Variants in GPR158 observed in about 807,000 individuals in gnomAD.
GPR158 encodes G protein-coupled receptor 158, also known as metabotropic glycine receptor.
In GPR158, 30 loss-of-function variants were observed where a neutral mutation model predicts 78.2. The observed-to-expected ratio is 0.38, with a 90% confidence interval of 0.29 to 0.52. The LOEUF is 0.52. Ranked by LOEUF, GPR158 falls within the 20% of genes least tolerant of loss-of-function variation. The pLI is 0.83. For synonymous variants in GPR158, 581 were observed against 591.1 expected (o/e 0.98, Z 0.25); for missense variants, 1,463 against 1,523.5 (o/e 0.96, Z 0.66).
At chr10:25,486,863 A>T (rs965245406) in intron 5 of GPR158, among the ~76,000 whole-genome samples, 6 of 134,472 alleles carry the variant, frequency 4.5e-5, no homozygotes, top group Non-Finnish European at 8.9e-5. Flanking sequence ...AAAGTGAAAT[A>T]AAAAAAATAG....
chr10:25,537,894 T>A (rs1836521172), intron 5 of GPR158, among the ~76,000 whole-genome samples: 1 of 152,166 alleles, frequency 6.6e-6, no homozygotes, highest in Non-Finnish European at 1.5e-5. Context: ...GTAAGTTTCC[T>A]GAAGCCTCCC....
At chr10:25,569,475 G>A (rs986745033) in intron 6 of GPR158, among the ~76,000 whole-genome samples, 1 of 152,136 alleles carries the variant, frequency 6.6e-6, no homozygotes, top group African/African-American at 2.4e-5. Flanking sequence ...TTTAACCATG[G>A]AAAGAATATA....
intron 2 of GPR158, among the ~76,000 whole-genome samples, chr10:25,311,251 A>T (rs1854759911): frequency 6.6e-6 from 1 of 151,944 alleles, no homozygotes; most frequent in Non-Finnish European, 1.5e-5. Context: ...AAATTTATAA[A>T]TTGACTCAGG....
At chr10:25,236,715 T>C (rs1406484429) in intron 2 of GPR158, among the ~76,000 whole-genome samples, 1 of 151,960 alleles carries the variant, frequency 6.6e-6, no homozygotes, top group Non-Finnish European at 1.5e-5. Context: ...GGTGAGCCTT[T>C]AGCAGCCTAT....
At position 25,311,572 on chromosome 10, in the gene GPR158, T is replaced by C. The variant is rs1178783201; in HGVS notation, c.1009-84339T>C. On this transcript the variant is annotated intron_variant, in intron 2 of 10. Coordinates refer to ENST00000376351, the MANE Select transcript of GPR158 (RefSeq NM_020752.3). ...TTAATTTGCTTCATCACAGACGTTC[T>C]GTGATTTTTCAGAAATTGCGAATTG... Among the ~76,000 whole-genome samples the C allele has an allele frequency of 2.0e-5, 3 of 152,024 alleles. No homozygotes were observed. In the East Asian group the frequency reaches 5.8e-4, roughly 29 times the overall value.
intron 2 of GPR158, among the ~76,000 whole-genome samples, chr10:25,354,531 GTAT>G (rs1855520871): frequency 6.6e-6 from 1 of 151,966 alleles, no homozygotes; most frequent in South Asian, 2.1e-4. Context: ...GTTGCTGTAG[GTAT>G]TATTGTTTTT....
chr10:25,452,069 G>A (rs997514869), intron 4 of GPR158, among the ~76,000 whole-genome samples: 1 of 151,488 alleles, frequency 6.6e-6, no homozygotes, highest in African/African-American at 2.4e-5. Flanking sequence ...ACATGACCTT[G>A]CTCTGTCACC....
At position 25,225,183 on chromosome 10, in the gene GPR158, C is replaced by CTTTTTT. The variant is rs60603738; in HGVS notation, c.1008+4036_1008+4041dup. 6.8e-4 allele frequency among the ~76,000 whole-genome samples: 92 copies of CTTTTTT among 134,754 alleles called. 1 individual carries two copies. The highest frequency in any genetic ancestry group is 2.2e-3 in the African/African-American group (77 of 35,478). The allele number at this position is 134,754 out of a possible 152,430, so 88.4% of individuals were successfully genotyped here. A position where few individuals can be genotyped will look rare whatever the true frequency, so the allele number is the denominator to read the frequency against. On this transcript the variant is annotated intron_variant, in intron 2 of 10. Coordinates refer to ENST00000376351, the MANE Select transcript of GPR158 (RefSeq NM_020752.3). ...AGATCAGCAGATTTGGAACATTTGCCTTTTTTTTTTTTTTTGTATAAAGCA... is the reference window on the plus strand; with the variant it reads ...AGATCAGCAGATTTGGAACATTTGCCTTTTTTTTTTTTTTTTTTTTTGTATAAAGCA...
At position 25,466,658 on chromosome 10, in the gene GPR158, G is replaced by A. The variant is rs774310703; in HGVS notation, c.1343G>A (p.Arg448Gln). The A allele has an allele frequency of 6.2e-6, 10 of 1,601,044 alleles. No individual in the cohort carries two copies. The highest frequency in any genetic ancestry group is 3.3e-5 in the South Asian group (3 of 89,624). Residue 448 changes from arginine to glutamine, a missense_variant, in exon 5 of 11, where the codon CGG becomes CAG. Arg to Gln is a conservative substitution (Grantham distance 43, BLOSUM62 1). Coordinates refer to ENST00000376351, the MANE Select transcript of GPR158 (RefSeq NM_020752.3). ...TTTATTTTGTTTTTTCAGAGCATCC[G>A]GGCATCGGGCCTTATCCTGTTGGAA... ...VYHFRKAKSI[R>Q]ASGLILLETI...
rs10764530 is a variant in GPR158, at chr10:25,369,911, A to C, written c.1009-26000A>C. ...TTAGTCTTGGGAGAGTGTATGTGTC[A>C]AGGAATTTATCCATTTCTTCTAGCT... On this transcript the variant is annotated intron_variant, in intron 2 of 10. Transcript: ENST00000376351. Among the ~76,000 whole-genome samples, 21 of 150,792 alleles carry C rather than the reference A, an allele frequency of 1.4e-4. No homozygotes were observed. The South Asian group carries it at 1.9e-3, about 14-fold the overall frequency.
chr10:25,439,240 G>A (rs187778596), intron 4 of GPR158, among the ~76,000 whole-genome samples: 3 of 152,162 alleles, frequency 2.0e-5, no homozygotes, highest in Non-Finnish European at 4.4e-5. Context: ...TGAAAGCCAC[G>A]TCTCACATGG....
intron 2 of GPR158, among the ~76,000 whole-genome samples, chr10:25,311,576 A>AT (rs1032097507): frequency 3.3e-5 from 5 of 151,762 alleles, no homozygotes; most frequent in African/African-American, 9.7e-5. Flanking sequence ...ACGTTCTGTG[A>AT]TTTTTCAGAA....
At chr10:25,329,365 C>G (rs1374389813) in intron 2 of GPR158, among the ~76,000 whole-genome samples, 1 of 150,748 alleles carries the variant, frequency 6.6e-6, no homozygotes, top group East Asian at 2.0e-4. Context: ...GCACGAACCC[C>G]GGGGGCGGAG....
At chr10:25,296,134 A>G (rs999008126) in intron 2 of GPR158, among the ~76,000 whole-genome samples, 1 of 151,848 alleles carries the variant, frequency 6.6e-6, no homozygotes, top group Non-Finnish European at 1.5e-5. Context: ...ATACCCTGGA[A>G]CACAAATAAC....
chr10:25,572,879 CAG>C lies in GPR158; in HGVS notation c.1746_1747del (p.Ala583SerfsTer3). 6.3e-7 allele frequency: 1 copy of C among 1,580,158 alleles called. No homozygotes were observed. Among genetic ancestry groups the C allele is most frequent in the Non-Finnish European group, 8.7e-7 (1 of 1,149,016 alleles). On this transcript the variant is annotated frameshift_variant, in exon 7 of 11. Transcript: ENST00000376351. LOFTEE classifies it high-confidence loss of function. ...CTCATTGACCGCTGGGACTACATGA[CAG>C]CAGTTGGTATGTGGTCACTTGTTTC...
chr10:25,234,107 T>C (rs1853490958), intron 2 of GPR158, among the ~76,000 whole-genome samples: 1 of 152,150 alleles, frequency 6.6e-6, no homozygotes, highest in Non-Finnish European at 1.5e-5. Flanking sequence ...TTCAAGAGTG[T>C]AAAGGGGTCC....
At chr10:25,359,193 C>A (rs1420429603) in intron 2 of GPR158, among the ~76,000 whole-genome samples, 12 of 151,812 alleles carry the variant, frequency 7.9e-5, no homozygotes, top group Admixed American at 4.6e-4. Flanking sequence ...GATTGATTGA[C>A]CATTTTGTGA....
At chr10:25,224,394 G>T (rs952410066) in intron 2 of GPR158, among the ~76,000 whole-genome samples, 3 of 151,390 alleles carry the variant, frequency 2.0e-5, no homozygotes, top group Non-Finnish European at 2.9e-5. Flanking sequence ...AATTTAGAGT[G>T]TATATACATC....
rs567536195 is a variant in GPR158 at position 25,289,472 on chromosome 10, A to G, written c.1008+68315A>G. On this transcript the variant is annotated intron_variant, in intron 2 of 10. Transcript: ENST00000376351. ...TTTTGAGGCGGAGTCTTGCTCTGTC[A>G]CCCAGGCTGGAGTGCAGTGGCGCCA... is the stretch of plus-strand genomic sequence containing the variant. Among the ~76,000 whole-genome samples, 185 of 152,142 alleles carry G rather than the reference A, an allele frequency of 1.2e-3. 1 individual carries two copies. Among genetic ancestry groups the G allele is most frequent in the African/African-American group, 4.2e-3 (173 of 41,490 alleles).
Sources: gnomAD v4.1 joint callset for allele counts (sites outside exome capture counted in the v4.1 genomes callset) on GRCh38, gnomAD v4.1.1 for gene constraint, MANE v1.5 for transcripts, NCBI Gene and HGNC (gene_info 2026-07-23, HGNC 2026-07-21) for gene names.